EHBP1L1: variants seen among roughly 807,000 people sequenced by gnomAD.
EHBP1L1 encodes EH domain-binding protein 1-like protein 1.
A neutral mutation model predicts 151.1 loss-of-function variants in EHBP1L1; 122 were observed. That is an observed-to-expected ratio of 0.81 (90% CI 0.70 to 0.94). EHBP1L1 has a LOEUF of 0.94. Among genes scored for constraint, EHBP1L1 ranks in the 40% least tolerant of loss-of-function variants. The pLI is 0.00. For missense variants in EHBP1L1, 1,941 were observed against 1,959.8 expected, an observed-to-expected ratio of 0.99 and a Z score of 0.18; for synonymous variants, 878 against 810.1, an observed-to-expected ratio of 1.08 and a Z score of -1.42.
In EHBP1L1 at chr11:65,580,442, A is replaced by G. The variant is rs1565120915; in HGVS notation, c.597A>G (p.Pro199=). 6.2e-7 allele frequency: 1 copy of G among 1,613,520 alleles called. No individual in the cohort carries two copies. The highest frequency in any genetic ancestry group is 1.7e-5 in the Admixed American group (1 of 60,024). The change falls in exon 6 of 19, where the codon CCA becomes CCG. Residue 199 remains proline (P), a synonymous_variant. Transcript: ENST00000309295. ...GTGATGAAGATGAGGCTCATGGCCCAGGAGCCCCGGAGGCCCGGGCTCGAG... is the reference window on the plus strand; with the variant it reads ...GTGATGAAGATGAGGCTCATGGCCCGGGAGCCCCGGAGGCCCGGGCTCGAG... ...AESDEDEAHG[P]GAPEARARVP...
At chr11:65,588,889 C>T (rs1390775349) in intron 12 of EHBP1L1, among the ~76,000 whole-genome samples, 1 of 152,138 alleles carries the variant, frequency 6.6e-6, no homozygotes, top group Non-Finnish European at 1.5e-5. Context: ...CCCTTTTGGC[C>T]AGGAGGTGGA....
chr11:65,585,416 T>C lies in EHBP1L1; in HGVS notation c.3758T>C (p.Leu1253Pro). ...AGAPGGGGVR[L>P]RRPSVNGEPG... ...GCACCGGGCGGCGGCGGCGTGAGGC[T>C]GCGACGGCCCTCGGTCAACGGGGAG... is the stretch of plus-strand genomic sequence containing the variant. Residue 1253 changes from leucine to proline, a missense_variant, in exon 12 of 19, where the codon CTG becomes CCG. Coordinates refer to ENST00000309295, the MANE Select transcript of EHBP1L1 (RefSeq NM_001099409.3). This position sits in a 1 kb window ranked among gnomAD's most constrained non-coding sequence, Gnocchi z 4.0. 2 of 1,424,406 alleles carry C rather than the reference T, an allele frequency of 1.4e-6. No homozygotes were observed. Among genetic ancestry groups the C allele is most frequent in the Non-Finnish European group, 1.8e-6 (2 of 1,096,030 alleles). 88.2% of individuals were successfully genotyped at this position (1,424,406 alleles called of 1,614,324 possible).
In EHBP1L1 at chr11:65,585,665, GC is replaced by G. The variant is rs1262061540; in HGVS notation, c.3933+79del. 5 of 1,513,940 alleles carry G rather than the reference GC, an allele frequency of 3.3e-6. No individual in the cohort carries two copies. In the Admixed American group the frequency reaches 1.0e-4, roughly 31 times the overall value. The allele number at this position is 1,513,940 out of a possible 1,614,324, so 93.8% of individuals were successfully genotyped here. ...GGGAAGATGGGCAGAGAACGGGCGA[GC>G]CCCCAAGGGGCCCCAAGGACAGAGC... On this transcript the variant is annotated intron_variant, in intron 12 of 18. Transcript: ENST00000309295. The surrounding 1 kb of genome is among the most constrained non-coding windows in gnomAD (Gnocchi z 4.0).
Position 65,581,248 on chromosome 11 carries a change from C to T in EHBP1L1, c.741C>T (p.Ala247=). 1 of 1,611,390 alleles carries T rather than the reference C, an allele frequency of 6.2e-7. No homozygotes were observed. The change falls in exon 8 of 19, where the codon GCC becomes GCT. Residue 247 remains alanine (A), a synonymous_variant. Transcript: ENST00000309295. ...SPSNAEDTSP[A]PVSAPAPPAR... ...CTAATGCTGAGGATACCAGCCCAGC[C>T]CCTGTGAGTGCTCCTGCACCCCCAG...
Position 65,576,177 on chromosome 11 carries a change from C to A in EHBP1L1, c.-126C>A. 1.3e-6 allele frequency: 1 copy of A among 767,268 alleles called. No homozygotes were observed. The highest frequency in any genetic ancestry group is 1.8e-6 in the Non-Finnish European group (1 of 547,666). 47.5% of individuals were successfully genotyped at this position (767,268 alleles called of 1,614,324 possible). A position where few individuals can be genotyped will look rare whatever the true frequency, so the allele number is the denominator to read the frequency against. On this transcript the variant is annotated 5_prime_UTR_variant, in exon 1 of 19. Transcript: ENST00000309295. ...CGGAGAGCGCGGTCCCGGGTCGGAG[C>A]CTGGGACACCTCCGCACGGACGGGG... is the stretch of plus-strand genomic sequence containing the variant.
chr11:65,589,614 G>C, intron 12 of EHBP1L1, 137 bp from the exon 13 acceptor site: 1 of 1,356,172 alleles, frequency 7.4e-7, no homozygotes, highest in Non-Finnish European at 9.7e-7. Context: ...GTGCATGCAG[G>C]ACTAGAGGAG....
Position 65,576,097 on chromosome 11 carries a change from C to T in EHBP1L1, c.-206C>T. On this transcript the variant is annotated 5_prime_UTR_variant, in exon 1 of 19. Coordinates refer to ENST00000309295, the MANE Select transcript of EHBP1L1 (RefSeq NM_001099409.3). ...GCTCCGCGCTCGCCACCCGACGCGC[C>T]CCAGGCGACCCCGCAGACTCAGCCA... is the stretch of plus-strand genomic sequence containing the variant. The T allele has an allele frequency of 2.9e-6, 1 of 346,296 alleles. No individual in the cohort carries two copies. The highest frequency in any genetic ancestry group is 4.5e-5 in the East Asian group (1 of 22,238). 21.5% of individuals were successfully genotyped at this position (346,296 alleles called of 1,614,324 possible).
chr11:65,592,363 C>A lies in EHBP1L1; in HGVS notation c.*61C>A. Reference sequence around the variant, plus strand: ...CCCCGGCGTCCGCCGCCGCCCCGGGCCTGCGCTGCGGACGACCCGGCCGTC... The same window carrying A: ...CCCCGGCGTCCGCCGCCGCCCCGGGACTGCGCTGCGGACGACCCGGCCGTC... On this transcript the variant is annotated 3_prime_UTR_variant, in exon 19 of 19. Coordinates refer to ENST00000309295, the MANE Select transcript of EHBP1L1 (RefSeq NM_001099409.3). 8.1e-7 allele frequency: 1 copy of A among 1,230,622 alleles called. No homozygotes were observed. The highest frequency in any genetic ancestry group is 1.0e-6 in the Non-Finnish European group (1 of 978,072). 76.2% of individuals were successfully genotyped at this position (1,230,622 alleles called of 1,614,324 possible). A position where few individuals can be genotyped will look rare whatever the true frequency, so the allele number is the denominator to read the frequency against.
intron 9 of EHBP1L1, chr11:65,584,038 G>C (rs1454023158): frequency 7.1e-7 from 1 of 1,412,548 alleles, no homozygotes; most frequent in Non-Finnish European, 9.2e-7. Context: ...TTGTCTGGGG[G>C]CCACTGACCT....
rs1406609692 is a variant in EHBP1L1 at position 65,584,071 on chromosome 11, C to A, written c.3094-170C>A. On this transcript the variant is annotated intron_variant, in intron 9 of 18. Transcript: ENST00000309295. ...CCTTTTAGGTGACCTTGGCAGATAA[C>A]CCTGGATCTAGAAACCCTTTTACCT... 3.5e-6 allele frequency: 5 copies of A among 1,448,762 alleles called. No homozygotes were observed. The Middle Eastern group carries it at 7.7e-4, about 224-fold the overall frequency. The allele number at this position is 1,448,762 out of a possible 1,614,324, so 89.7% of individuals were successfully genotyped here. A position where few individuals can be genotyped will look rare whatever the true frequency, so the allele number is the denominator to read the frequency against.
intron 16 of EHBP1L1, 183 bp from the exon 17 acceptor site, chr11:65,591,617 A>G (rs1590842147): frequency 1.6e-6 from 1 of 636,954 alleles, no homozygotes. Context: ...ATTGGAGAAA[A>G]CAGAAGAAAA....
chr11:65,580,098 G>A lies in EHBP1L1; in HGVS notation c.330G>A (p.Arg110=). ...FIIENESKGQ[R]KVLATAEVDL... Reference sequence around the variant, plus strand: ...GCCCACAGGAGTCTAAGGGGCAGCGGAAGGTGCTGGCCACGGCCGAGGTGG... The same window carrying A: ...GCCCACAGGAGTCTAAGGGGCAGCGAAAGGTGCTGGCCACGGCCGAGGTGG... The change falls in exon 5 of 19, where the codon CGG becomes CGA. Residue 110 remains arginine, a synonymous_variant. Transcript: ENST00000309295. 6.2e-7 allele frequency: 1 copy of A among 1,613,170 alleles called. No homozygotes were observed. The highest frequency in any genetic ancestry group is 8.5e-7 in the Non-Finnish European group (1 of 1,179,442).
chr11:65,585,071 G>A lies in EHBP1L1; in HGVS notation c.3413G>A (p.Arg1138His). ...GTCATGACGTACCTGTGCCAGATCC[G>A]CGCCTTCTGCACCGGGCAGGAGCTG... Reference protein sequence around the residue: ...LIVMTYLCQIRAFCTGQELQL... With the variant: ...LIVMTYLCQIHAFCTGQELQL... Residue 1138 changes from arginine (R) to histidine (H), a missense_variant, in exon 12 of 19, where the codon CGC (arginine) becomes CAC (histidine). Coordinates refer to ENST00000309295, the MANE Select transcript of EHBP1L1 (RefSeq NM_001099409.3). The surrounding 1 kb of genome is among the most constrained non-coding windows in gnomAD (Gnocchi z 4.0). The A allele has an allele frequency of 1.9e-6, 3 of 1,543,452 alleles. No individual in the cohort carries two copies. The highest frequency in any genetic ancestry group is 2.4e-5 in the East Asian group (1 of 40,838).
chr11:65,584,380 G>T lies in EHBP1L1; in HGVS notation c.3233G>T (p.Arg1078Leu). 2 of 1,612,326 alleles carry T rather than the reference G, an allele frequency of 1.2e-6. No homozygotes were observed. Among genetic ancestry groups the T allele is most frequent in the Non-Finnish European group, 1.7e-6 (2 of 1,178,988 alleles). ...NGLAFCAILH[R>L]FYPDKIDYAS... ...TTGGCCTTCTGTGCCATCCTGCACC[G>T]ATTCTACCCAGACAAGATGTGAGCT... The change falls in exon 10 of 19, where the codon CGA (arginine) becomes CTA (leucine). Residue 1078 changes from arginine to leucine, a missense_variant. By Grantham distance (102) the Arg-to-Leu change is moderately radical. Coordinates refer to ENST00000309295, the MANE Select transcript of EHBP1L1 (RefSeq NM_001099409.3).
At chr11:65,592,156 T>G in intron 18 of EHBP1L1, 47 bp from the exon 19 acceptor site, 1 of 1,606,596 alleles carries the variant, frequency 6.2e-7, no homozygotes, top group Non-Finnish European at 8.5e-7. Context: ...GAGGGCTGCG[T>G]GTGGACCCCG....
Position 65,583,477 on chromosome 11 carries a change from G to A in EHBP1L1, c.2805G>A (p.Gln935=). Residue 935 remains glutamine, a synonymous_variant, in exon 9 of 19, where the codon CAG becomes CAA. Coordinates refer to ENST00000309295, the MANE Select transcript of EHBP1L1 (RefSeq NM_001099409.3). ...CAGAGACTCAAGTTCTGAGAGTCCAGGAGGCAGAGGCTGGGGTTTGGGGGA... is the reference window on the plus strand; with the variant it reads ...CAGAGACTCAAGTTCTGAGAGTCCAAGAGGCAGAGGCTGGGGTTTGGGGGA... ...QGSETQVLRV[Q]EAEAGVWGMS... is the part of the protein sequence containing the mutation. The A allele has an allele frequency of 6.2e-7, 1 of 1,613,624 alleles. No individual in the cohort carries two copies. Among genetic ancestry groups the A allele is most frequent in the East Asian group, 2.2e-5 (1 of 44,882 alleles).
At chr11:65,587,233 C>T in intron 12 of EHBP1L1, among the ~76,000 whole-genome samples, 1 of 152,158 alleles carries the variant, frequency 6.6e-6, no homozygotes, top group East Asian at 1.9e-4. Context: ...ATTAGCCGGG[C>T]ATGGTGGTAC....
intron 12 of EHBP1L1, among the ~76,000 whole-genome samples, chr11:65,587,797 G>C (rs1858049413): frequency 1.3e-5 from 2 of 152,208 alleles, no homozygotes; most frequent in Admixed American, 6.5e-5. Flanking sequence ...ACAACCCTGG[G>C]CCCTAGACCA....
At position 65,584,468 on chromosome 11, in the gene EHBP1L1, C is replaced by A; in HGVS notation, c.3252-18C>A. On this transcript the variant is annotated intron_variant, in intron 10 of 18. Coordinates refer to ENST00000309295, the MANE Select transcript of EHBP1L1 (RefSeq NM_001099409.3). Reference sequence around the variant, plus strand: ...AGGGCAGTGTGGACCCAGCCTCTGACCAGCACACTCTCTGCAGTGACTATG... The same window carrying A: ...AGGGCAGTGTGGACCCAGCCTCTGAACAGCACACTCTCTGCAGTGACTATG... 1 of 1,613,404 alleles carries A rather than the reference C, an allele frequency of 6.2e-7. No individual in the cohort carries two copies. Among genetic ancestry groups the A allele is most frequent in the Non-Finnish European group, 8.5e-7 (1 of 1,179,786 alleles).
Sources: allele counts gnomAD v4.1 joint callset (sites outside exome capture counted in the v4.1 genomes callset), GRCh38; gene constraint gnomAD v4.1.1; non-coding constraint Gnocchi (gnomAD v3.1); transcripts MANE v1.5; gene names NCBI Gene and HGNC (gene_info 2026-07-23, HGNC 2026-07-21).